CRACR2A: variants seen among roughly 807,000 people sequenced by gnomAD.
CRACR2A encodes the protein calcium release activated channel regulator 2A.
In CRACR2A, 79 loss-of-function variants were observed where a neutral mutation model predicts 90.5. That is an observed-to-expected ratio of 0.87 (90% CI 0.73 to 1.05). The LOEUF (loss-of-function observed/expected upper bound fraction) is 1.05, where lower values mean the gene tolerates loss of function less well. CRACR2A is among the 50% of genes least tolerant of loss of function. The pLI, the probability that CRACR2A is intolerant of heterozygous loss-of-function variation, is 0.00. For missense variants in CRACR2A, 823 were observed against 897.2 expected, an observed-to-expected ratio of 0.92 and a Z score of 1.06; for synonymous variants, 338 against 356.7, an observed-to-expected ratio of 0.95 and a Z score of 0.59.
At chr12:3,659,514 C>G (rs773497241) in intron 8 of CRACR2A, 50 bp downstream of exon 8, 2 of 1,532,124 alleles carry the variant, frequency 1.3e-6, no homozygotes, top group Admixed American at 3.4e-5. Flanking sequence ...GGAGACAGAG[C>G]AGATATGTCA....
chr12:3,736,176 G>T (rs1189656279), intron 1 of CRACR2A, among the ~76,000 whole-genome samples: 1 of 151,964 alleles, frequency 6.6e-6, no homozygotes, highest in African/African-American at 2.4e-5. Flanking sequence ...CCAGGTAAGA[G>T]GCTGATGCTA....
intron 8 of CRACR2A, among the ~76,000 whole-genome samples, chr12:3,658,319 C>A (rs1366927690): frequency 1.3e-5 from 2 of 152,102 alleles, no homozygotes; most frequent in Non-Finnish European, 2.9e-5. Context: ...GACAAGATGC[C>A]CCATGGAGCT....
At chr12:3,631,436 GC>G (rs1386858611) in intron 15 of CRACR2A, among the ~76,000 whole-genome samples, 9 of 152,126 alleles carry the variant, frequency 5.9e-5, no homozygotes, top group African/African-American at 1.7e-4. Context: ...CCCTCTCCCT[GC>G]CTCCCCCAGA....
intron 8 of CRACR2A, 40 bp from the exon 9 acceptor site, chr12:3,656,446 A>T (rs1372648272): frequency 7.5e-6 from 12 of 1,592,026 alleles, no homozygotes; most frequent in Non-Finnish European, 9.5e-6. Context: ...ACCCAAATGT[A>T]GCACACCCGG....
rs200067492 is a variant in CRACR2A at position 3,655,839 on chromosome 12, C to A, written c.858+472G>T. Among the ~76,000 whole-genome samples, 51 of 152,294 alleles carry A rather than the reference C, an allele frequency of 3.3e-4. No individual in the cohort carries two copies. In the East Asian group the frequency reaches 7.7e-3, roughly 23 times the overall value. On this transcript the variant is annotated intron_variant, in intron 9 of 19. Coordinates refer to ENST00000440314, the MANE Select transcript of CRACR2A (RefSeq NM_001144958.2). Reference sequence around the variant, plus strand: ...AGATGCCAATGAACCAGTCCAGGCACCACACAGCCAGGGAAGAGACAGGCT... The same window carrying A: ...AGATGCCAATGAACCAGTCCAGGCAACACACAGCCAGGGAAGAGACAGGCT...
chr12:3,702,529 TAAA>T (rs1238722144), intron 3 of CRACR2A, among the ~76,000 whole-genome samples: 3 of 152,018 alleles, frequency 2.0e-5, no homozygotes, highest in Non-Finnish European at 4.4e-5. Context: ...AAAATTGAAA[TAAA>T]AATATCATTT....
At chr12:3,748,737 G>A (rs1946660338) in intron 1 of CRACR2A, among the ~76,000 whole-genome samples, 1 of 152,204 alleles carries the variant, frequency 6.6e-6, no homozygotes, top group African/African-American at 2.4e-5. Context: ...TCCAACACCT[G>A]AGGCCAAGAC....
intron 2 of CRACR2A, among the ~76,000 whole-genome samples, chr12:3,723,141 G>A (rs1384822840): frequency 6.6e-6 from 1 of 152,176 alleles, no homozygotes; most frequent in Non-Finnish European, 1.5e-5. Flanking sequence ...CTTGAGCCCG[G>A]GGACTATCTG....
chr12:3,692,979 T>G (rs1397501822), intron 4 of CRACR2A, among the ~76,000 whole-genome samples: 1 of 152,094 alleles, frequency 6.6e-6, no homozygotes, highest in Non-Finnish European at 1.5e-5. Context: ...GGTGAGGGTG[T>G]GGCTGGCTGG....
intron 18 of CRACR2A, among the ~76,000 whole-genome samples, chr12:3,617,426 T>G (rs1387882427): frequency 6.6e-6 from 1 of 152,184 alleles, no homozygotes; most frequent in East Asian, 1.9e-4. Context: ...TAAGCTGTAG[T>G]GAGAGAGGGC....
At chr12:3,735,671 G>A (rs1164676902) in intron 1 of CRACR2A, among the ~76,000 whole-genome samples, 3 of 152,166 alleles carry the variant, frequency 2.0e-5, no homozygotes, top group Admixed American at 6.5e-5. Flanking sequence ...AGCAGAGGCA[G>A]GACTTGGACC....
chr12:3,656,244 G>A, intron 9 of CRACR2A, 67 bp downstream of exon 9: 1 of 1,485,824 alleles, frequency 6.7e-7, no homozygotes, highest in Non-Finnish European at 9.4e-7. Flanking sequence ...CAGGGAAAGT[G>A]GGCAAGAGGC....
At chr12:3,658,092 G>C (rs1944951071) in intron 8 of CRACR2A, among the ~76,000 whole-genome samples, 1 of 152,210 alleles carries the variant, frequency 6.6e-6, no homozygotes, top group Admixed American at 6.5e-5. Flanking sequence ...TAAGCACTGA[G>C]CTTTAAAGGC....
chr12:3,652,308 C>T (rs1944807808), intron 10 of CRACR2A, among the ~76,000 whole-genome samples: 1 of 152,186 alleles, frequency 6.6e-6, no homozygotes, highest in Non-Finnish European at 1.5e-5. Context: ...GTTTGTAAAG[C>T]TAAATGCCTG....
chr12:3,643,000 G>A (rs1944601626), intron 12 of CRACR2A, among the ~76,000 whole-genome samples: 1 of 152,178 alleles, frequency 6.6e-6, no homozygotes, highest in African/African-American at 2.4e-5. Flanking sequence ...CCCCACAGAA[G>A]TTCTTAATTC....
At chr12:3,634,252 T>G (rs1453494653) in intron 14 of CRACR2A, among the ~76,000 whole-genome samples, 4 of 152,198 alleles carry the variant, frequency 2.6e-5, no homozygotes, top group Non-Finnish European at 5.9e-5. Context: ...AGCTCCTTAT[T>G]TCTGCCCTAT....
chr12:3,700,952 T>C (rs11609130), intron 3 of CRACR2A, among the ~76,000 whole-genome samples: 46,685 of 152,052 alleles, frequency 0.31, 7,566 homozygotes, highest in Non-Finnish European at 0.37. Context: ...ATCCATATTC[T>C]GGGTCATAAA....
At chr12:3,683,742 T>C (rs543618624) in intron 4 of CRACR2A, among the ~76,000 whole-genome samples, 1 of 152,342 alleles carries the variant, frequency 6.6e-6, no homozygotes, top group East Asian at 1.9e-4. Context: ...CACTGTTGTG[T>C]CCCCAGGATC....
chr12:3,619,230 G>T (rs536533617), intron 18 of CRACR2A, 41 bp downstream of exon 18: 59 of 1,513,090 alleles, frequency 3.9e-5, no homozygotes, highest in Middle Eastern at 3.4e-4. Context: ...TTCCCTCGGG[G>T]TCACACTCTG....
Sources: allele counts gnomAD v4.1 joint callset (sites outside exome capture counted in the v4.1 genomes callset), GRCh38; gene constraint gnomAD v4.1.1; transcripts MANE v1.5; gene names NCBI Gene and HGNC (gene_info 2026-07-23, HGNC 2026-07-21).